CCDC149: variants seen among roughly 807,000 people sequenced by gnomAD.
CCDC149 encodes coiled-coil domain-containing protein 149.
A neutral mutation model predicts 59.9 loss-of-function variants in CCDC149; 45 were observed. The observed-to-expected ratio is 0.75, with a 90% CI of 0.59 to 0.96. The LOEUF (loss-of-function observed/expected upper bound fraction) is 0.96, where lower values mean the gene tolerates loss of function less well. Ranked by LOEUF, CCDC149 falls within the 40% of genes least tolerant of loss-of-function variation. CCDC149 has a pLI of 0.00. For missense variants in CCDC149, 584 were observed against 664.7 expected (o/e 0.88, Z 1.33); for synonymous variants, 245 against 260.6 (o/e 0.94, Z 0.58).
chr4:24,932,604 A>G (rs953209299), intron 1 of CCDC149, among the ~76,000 whole-genome samples: 1 of 152,180 alleles, frequency 6.6e-6, no homozygotes, highest in African/African-American at 2.4e-5. Flanking sequence ...ATAAATCCAG[A>G]TCCCCAGAGA....
intron 1 of CCDC149, among the ~76,000 whole-genome samples, chr4:24,892,909 C>G (rs1324951385): frequency 6.6e-6 from 1 of 152,166 alleles, no homozygotes; most frequent in African/African-American, 2.4e-5. Flanking sequence ...CTGCCAATGA[C>G]TTTCTTGCTA....
intron 9 of CCDC149, chr4:24,827,521 G>C (rs1277805616): frequency 6.6e-6 from 1 of 152,262 alleles, no homozygotes; most frequent in Admixed American, 6.5e-5. Flanking sequence ...CTGGGGGGAA[G>C]GTCTGGAGAA....
At chr4:24,906,411 CTTTA>C in intron 1 of CCDC149, among the ~76,000 whole-genome samples, 1 of 136,056 alleles carries the variant, frequency 7.3e-6, no homozygotes, top group East Asian at 2.1e-4. Flanking sequence ...TTTTATTTTA[CTTTA>C]TTTGAGACAG....
At position 24,808,203 on chromosome 4, in the gene CCDC149, T is replaced by G; in HGVS notation, c.*186A>C. 2.2e-6 allele frequency: 1 copy of G among 449,784 alleles called. No homozygotes were observed. The highest frequency in any genetic ancestry group is 3.8e-6 in the Non-Finnish European group (1 of 266,022). 27.9% of individuals were successfully genotyped at this position (449,784 alleles called of 1,614,324 possible). A position where few individuals can be genotyped will look rare whatever the true frequency, so the allele number is the denominator to read the frequency against. On this transcript the variant is annotated 3_prime_UTR_variant, in exon 13 of 13. Coordinates refer to ENST00000635206, the MANE Select transcript of CCDC149 (RefSeq NM_001330643.2). ...ACACTGAGAAGCTTGAGGACCTACA[T>G]TTAATAAATCAAACTGTACTGGCAT...
intron 4 of CCDC149, among the ~76,000 whole-genome samples, chr4:24,846,595 C>T (rs780842969): frequency 6.6e-5 from 10 of 152,286 alleles, no homozygotes; most frequent in Non-Finnish European, 1.3e-4. Flanking sequence ...GGTTTGCTCA[C>T]CAAATTCATC....
intron 12 of CCDC149, among the ~76,000 whole-genome samples, chr4:24,819,143 T>C (rs1715198259): frequency 6.6e-6 from 1 of 152,208 alleles, no homozygotes; most frequent in Admixed American, 6.5e-5. Context: ...CTCTCTATTC[T>C]ACTGCTTCGC....
chr4:24,908,175 G>C (rs557618989), intron 1 of CCDC149, among the ~76,000 whole-genome samples: 1 of 152,156 alleles, frequency 6.6e-6, no homozygotes, highest in Non-Finnish European at 1.5e-5. Flanking sequence ...TGAACACATC[G>C]TTTTGGGGAC....
intron 1 of CCDC149, among the ~76,000 whole-genome samples, chr4:24,958,027 A>T (rs1223570469): frequency 1.3e-5 from 2 of 152,226 alleles, no homozygotes; most frequent in African/African-American, 4.8e-5. Context: ...GCCAGTAGAC[A>T]TCAGGAAATG....
chr4:24,814,054 C>T (rs1411031891), intron 12 of CCDC149, among the ~76,000 whole-genome samples: 1 of 152,162 alleles, frequency 6.6e-6, no homozygotes, highest in African/African-American at 2.4e-5. Context: ...AAATAAGTTT[C>T]CATTTCCTTT....
intron 3 of CCDC149, among the ~76,000 whole-genome samples, chr4:24,869,690 A>T (rs923506596): frequency 9.9e-5 from 15 of 152,202 alleles, no homozygotes; most frequent in African/African-American, 3.4e-4. Flanking sequence ...ACCTTACGCC[A>T]GGCACCATAC....
At chr4:24,912,217 A>G (rs1034461955) in intron 1 of CCDC149, among the ~76,000 whole-genome samples, 9 of 152,204 alleles carry the variant, frequency 5.9e-5, no homozygotes, top group African/African-American at 2.2e-4. Context: ...TGCTTCCACA[A>G]ATCGAATCAC....
intron 9 of CCDC149, among the ~76,000 whole-genome samples, chr4:24,824,422 A>G (rs1258655859): frequency 1.3e-5 from 2 of 152,240 alleles, no homozygotes; most frequent in African/African-American, 4.8e-5. Context: ...CATTACTGTT[A>G]ACACAAACAG....
intron 1 of CCDC149, among the ~76,000 whole-genome samples, chr4:24,943,211 A>T (rs1208040159): frequency 6.6e-6 from 1 of 152,230 alleles, no homozygotes; most frequent in Non-Finnish European, 1.5e-5. Flanking sequence ...GACCGATGGA[A>T]CAGAACAGAG....
intron 12 of CCDC149, among the ~76,000 whole-genome samples, chr4:24,817,600 C>A (rs1207433510): frequency 5.3e-5 from 8 of 151,898 alleles, no homozygotes. Context: ...TGATTTAAAG[C>A]AACAACTATG....
At chr4:24,813,495 T>TATATATATATATATATATATATAC (rs1714775464) in intron 12 of CCDC149, among the ~76,000 whole-genome samples, 6 of 12,982 alleles carry the variant, frequency 4.6e-4, no homozygotes, top group African/African-American at 1.0e-3. Flanking sequence ...GGGGAATATA[T>TATATATATATATATATATATATAC]ATATATATAT....
Position 24,912,896 on chromosome 4 carries a change from T to C in CCDC149, c.-17A>G. 7.6e-7 allele frequency: 1 copy of C among 1,321,684 alleles called. No individual in the cohort carries two copies. The allele number at this position is 1,321,684 out of a possible 1,614,324, so 81.9% of individuals were successfully genotyped here. ...CTCCTCCATGCGCTGGCCGGCCTCCTGGACCCCCGCCGCCTCCTCCTCCTC... is the reference window on the plus strand; with the variant it reads ...CTCCTCCATGCGCTGGCCGGCCTCCCGGACCCCCGCCGCCTCCTCCTCCTC... On this transcript the variant is annotated 5_prime_UTR_variant, in exon 1 of 13. Transcript: ENST00000635206.
chr4:24,903,622 G>A (rs1401183444), intron 1 of CCDC149, among the ~76,000 whole-genome samples: 2 of 152,134 alleles, frequency 1.3e-5, no homozygotes, highest in African/African-American at 2.4e-5. Flanking sequence ...CCTTTTAGGT[G>A]TAAGTGTTCC....
chr4:24,937,670 A>T (rs1386339548), intron 1 of CCDC149, among the ~76,000 whole-genome samples: 1 of 152,220 alleles, frequency 6.6e-6, no homozygotes, highest in Admixed American at 6.5e-5. Flanking sequence ...GGAGGAGAAA[A>T]GCTGGAGCGT....
upstream of CCDC149, among the ~76,000 whole-genome samples, chr4:24,916,466 T>C (rs977856819): frequency 8.6e-5 from 13 of 152,022 alleles, no homozygotes; most frequent in African/African-American, 2.9e-4. Context: ...TCATTATGGG[T>C]TCTATACTTA....
Sources: gnomAD v4.1 joint callset for allele counts (sites outside exome capture counted in the v4.1 genomes callset) on GRCh38, gnomAD v4.1.1 for gene constraint, MANE v1.5 for transcripts, NCBI Gene and HGNC (gene_info 2026-07-23, HGNC 2026-07-21) for gene names.